Variants in KCNH7 observed in about 807,000 individuals in gnomAD.
KCNH7 encodes the protein potassium voltage-gated channel subfamily H member 7, also known as voltage-gated inwardly rectifying potassium channel KCNH7.
KCNH7 carries 49 observed loss-of-function variants against 120.8 expected under a neutral mutation model. The observed-to-expected ratio is 0.41, with a 90% CI of 0.32 to 0.51. The LOEUF is 0.51. Ranked by LOEUF, KCNH7 falls within the 20% of genes least tolerant of loss-of-function variation. KCNH7 has a pLI of 0.38. For missense variants in KCNH7, 1,097 were observed against 1,446.6 expected, an observed-to-expected ratio of 0.76 and a Z score of 3.92; for synonymous variants, 547 against 516.1, an observed-to-expected ratio of 1.06 and a Z score of -0.81.
At chr2:162,477,845 C>A (rs1379900910) in intron 6 of KCNH7, among the ~76,000 whole-genome samples, 1 of 152,026 alleles carries the variant, frequency 6.6e-6, no homozygotes, top group Non-Finnish European at 1.5e-5. Context: ...TCCATCCATC[C>A]ATCCATCCAT....
chr2:162,451,322 T>C (rs1262902421), intron 6 of KCNH7, among the ~76,000 whole-genome samples: 1 of 152,072 alleles, frequency 6.6e-6, no homozygotes, highest in Non-Finnish European at 1.5e-5. Context: ...GAAATCCTGG[T>C]TCAAACGAAC....
rs143357745 is a variant in KCNH7, at chr2:162,553,967, T to C, written c.308-16887A>G. On this transcript the variant is annotated intron_variant, in intron 2 of 15. Coordinates refer to ENST00000332142, the MANE Select transcript of KCNH7 (RefSeq NM_033272.4). ...ATAGAAGGTCTGTTGGTAACAATCT[T>C]AGAATCTAGTTATTTGAGAAATGTT... is the stretch of plus-strand genomic sequence containing the variant. Among the ~76,000 whole-genome samples the C allele has an allele frequency of 8.3e-4, 126 of 152,352 alleles. No homozygotes were observed. The East Asian group carries it at 0.015, about 18-fold the overall frequency.
intron 2 of KCNH7, among the ~76,000 whole-genome samples, chr2:162,760,104 AT>A (rs1688917483): frequency 6.6e-6 from 1 of 152,154 alleles, no homozygotes; most frequent in African/African-American, 2.4e-5. Flanking sequence ...TGTGTAGCTT[AT>A]GATAGCTAGC....
chr2:162,704,424 A>C (rs1306930998), intron 2 of KCNH7, among the ~76,000 whole-genome samples: 1 of 152,196 alleles, frequency 6.6e-6, no homozygotes, highest in Non-Finnish European at 1.5e-5. Flanking sequence ...TTTTCTTCCC[A>C]TGAGTTTAAA....
At chr2:162,407,453 A>C (rs1687262070) in intron 9 of KCNH7, among the ~76,000 whole-genome samples, 1 of 152,044 alleles carries the variant, frequency 6.6e-6, no homozygotes, top group South Asian at 2.1e-4. Context: ...AGTCAGGGCC[A>C]AGGATGGGTA....
At chr2:162,495,263 C>A (rs997106205) in intron 6 of KCNH7, among the ~76,000 whole-genome samples, 4 of 152,162 alleles carry the variant, frequency 2.6e-5, no homozygotes, top group African/African-American at 9.6e-5. Context: ...TCCTTAGGAA[C>A]TTTGGCCTCA....
chr2:162,629,074 A>G (rs940616496), intron 2 of KCNH7, among the ~76,000 whole-genome samples: 6 of 152,092 alleles, frequency 3.9e-5, no homozygotes, highest in African/African-American at 1.2e-4. Context: ...TTTTCTGTAA[A>G]GCCAGGAACT....
At chr2:162,759,087 A>G (rs1483753247) in intron 2 of KCNH7, among the ~76,000 whole-genome samples, 2 of 152,148 alleles carry the variant, frequency 1.3e-5, no homozygotes, top group Non-Finnish European at 2.9e-5. Context: ...ATGGGTAGCT[A>G]AAGATTGGGC....
intron 14 of KCNH7, among the ~76,000 whole-genome samples, chr2:162,377,541 G>T (rs1467955562): frequency 6.6e-6 from 1 of 152,138 alleles, no homozygotes; most frequent in Non-Finnish European, 1.5e-5. Context: ...CAATAACAAG[G>T]GTGACGCTGG....
At chr2:162,532,410 A>T (rs187769302) in intron 3 of KCNH7, among the ~76,000 whole-genome samples, 140 of 152,056 alleles carry the variant, frequency 9.2e-4, no homozygotes, top group African/African-American at 3.3e-3. Flanking sequence ...AAAAGTGCAC[A>T]AGACCCCAGA....
chr2:162,834,276 C>T (rs1374978336), intron 2 of KCNH7, among the ~76,000 whole-genome samples: 1 of 152,020 alleles, frequency 6.6e-6, no homozygotes, highest in Non-Finnish European at 1.5e-5. Flanking sequence ...TTATTACTTT[C>T]AAAGCAAACA....
intron 2 of KCNH7, among the ~76,000 whole-genome samples, chr2:162,644,563 G>A (rs1347854242): frequency 6.6e-6 from 1 of 152,106 alleles, no homozygotes; most frequent in Admixed American, 6.5e-5. Context: ...TTTATCCAAA[G>A]TACAAATATA....
chr2:162,411,920 A>G (rs1040667455), intron 9 of KCNH7, among the ~76,000 whole-genome samples: 1 of 151,988 alleles, frequency 6.6e-6, no homozygotes, highest in African/African-American at 2.4e-5. Flanking sequence ...AACATCCAAT[A>G]TTAAATCCTC....
chr2:162,511,418 T>C (rs1558986237), intron 5 of KCNH7, among the ~76,000 whole-genome samples: 1 of 142,770 alleles, frequency 7.0e-6, no homozygotes, highest in Non-Finnish European at 1.5e-5. Flanking sequence ...ATTATGTCAA[T>C]GCAAACCACC....
intron 2 of KCNH7, among the ~76,000 whole-genome samples, chr2:162,830,033 G>C (rs993270097): frequency 1.3e-5 from 2 of 151,992 alleles, no homozygotes; most frequent in African/African-American, 2.4e-5. Context: ...ACAATAATGC[G>C]TAATAACAAG....
At chr2:162,398,209 G>A (rs1435185193) in intron 10 of KCNH7, among the ~76,000 whole-genome samples, 3 of 151,544 alleles carry the variant, frequency 2.0e-5, no homozygotes. Context: ...AAACTCCTTG[G>A]GTATATTATT....
chr2:162,393,721 C>T (rs1487394084), intron 12 of KCNH7, among the ~76,000 whole-genome samples: 2 of 151,824 alleles, frequency 1.3e-5, no homozygotes, highest in Non-Finnish European at 2.9e-5. Flanking sequence ...TTCCCATCTG[C>T]CAAGAACAAT....
At chr2:162,652,866 G>A (rs1401638427) in intron 2 of KCNH7, among the ~76,000 whole-genome samples, 1 of 152,146 alleles carries the variant, frequency 6.6e-6, no homozygotes, top group African/African-American at 2.4e-5. Context: ...GTATTTAAAA[G>A]CTGTAGATTG....
At chr2:162,579,070 T>A (rs1693784113) in intron 2 of KCNH7, among the ~76,000 whole-genome samples, 1 of 151,940 alleles carries the variant, frequency 6.6e-6, no homozygotes, top group Admixed American at 6.6e-5. Flanking sequence ...GAAAAATGTG[T>A]CAGTTTTTTT....
Sources: gnomAD v4.1 joint callset for allele counts (sites outside exome capture counted in the v4.1 genomes callset) on GRCh38, gnomAD v4.1.1 for gene constraint, MANE v1.5 for transcripts, NCBI Gene and HGNC (gene_info 2026-07-23, HGNC 2026-07-21) for gene names.